The following GABRG1 variants were observed in gnomAD, a reference collection of about 807,000 sequenced individuals.
GABRG1 encodes gamma-aminobutyric acid receptor subunit gamma-1.
In GABRG1, 49 loss-of-function variants were observed where a neutral mutation model predicts 49.8. The observed-to-expected ratio is 0.98, with a 90% confidence interval of 0.78 to 1.25. The LOEUF is 1.25. Ranked by LOEUF, GABRG1 falls within the 50% of genes most tolerant of loss-of-function variation. The pLI is 0.00. For missense variants in GABRG1, 552 were observed against 552.3 expected (o/e 1.00, Z 0.01); for synonymous variants, 232 against 185.1 (o/e 1.25, Z -2.06).
In GABRG1 at chr4:46,038,378, T is replaced by C. The variant is rs932693552; in HGVS notation, c.*2610A>G. 1.3e-5 allele frequency: 2 copies of C among 151,656 alleles called. No homozygotes were observed. The highest frequency in any genetic ancestry group is 1.9e-4 in the East Asian group (1 of 5,182). The allele number at this position is 151,656 out of a possible 1,614,324, so 9.4% of individuals were successfully genotyped here. A position where few individuals can be genotyped will look rare whatever the true frequency, so the allele number is the denominator to read the frequency against. On this transcript the variant is annotated 3_prime_UTR_variant, in exon 9 of 9. Transcript: ENST00000295452. ...CACATATTTAGAGGATAGGTCTATA[T>C]AAACAAACATTTTTACAAATGATCT...
intron 3 of GABRG1, among the ~76,000 whole-genome samples, chr4:46,076,361 TCA>T (rs1491477551): frequency 0.12 from 9,163 of 77,896 alleles, 1,175 homozygotes; most frequent in Admixed American, 0.18. Context: ...TAGGTCATGT[TCA>T]TATATATATA....
intron 1 of GABRG1, among the ~76,000 whole-genome samples, chr4:46,122,453 C>T (rs1015870409): frequency 6.6e-6 from 1 of 151,764 alleles, no homozygotes; most frequent in African/African-American, 2.4e-5. Flanking sequence ...GCCATTACGA[C>T]ACAATATATA....
chr4:46,042,174 C>A (rs1273655538), intron 8 of GABRG1, among the ~76,000 whole-genome samples: 5 of 151,864 alleles, frequency 3.3e-5, no homozygotes, highest in Non-Finnish European at 7.4e-5. Flanking sequence ...CAAGTAATCA[C>A]CTGCCAGTAG....
intron 3 of GABRG1, among the ~76,000 whole-genome samples, chr4:46,081,020 A>G (rs1336939231): frequency 6.6e-6 from 1 of 151,882 alleles, no homozygotes. Context: ...GTTTGAGTAG[A>G]ACTAATACTA....
At chr4:46,102,251 A>C (rs1406414062) in intron 1 of GABRG1, among the ~76,000 whole-genome samples, 1 of 151,672 alleles carries the variant, frequency 6.6e-6, no homozygotes, top group Non-Finnish European at 1.5e-5. Context: ...GCCAGTACTA[A>C]GGATGAGCCC....
intron 1 of GABRG1, among the ~76,000 whole-genome samples, chr4:46,099,860 G>C (rs1267491315): frequency 6.6e-6 from 1 of 151,598 alleles, no homozygotes; most frequent in Admixed American, 6.6e-5. Flanking sequence ...GTGAGAAGTG[G>C]ATTAACTTGA....
intron 1 of GABRG1, among the ~76,000 whole-genome samples, chr4:46,111,848 G>GGTTTAA: frequency 6.6e-6 from 1 of 151,216 alleles, no homozygotes; most frequent in Admixed American, 6.6e-5. Context: ...ACTCATGATA[G>GGTTTAA]ATTAAAGGTT....
intron 8 of GABRG1, among the ~76,000 whole-genome samples, chr4:46,050,257 G>T (rs1264940694): frequency 6.6e-6 from 1 of 151,874 alleles, no homozygotes; most frequent in Non-Finnish European, 1.5e-5. Flanking sequence ...TATCAAATTT[G>T]TACTGCTAGC....
chr4:46,082,161 A>G (rs1182381353), intron 3 of GABRG1, among the ~76,000 whole-genome samples: 2 of 151,822 alleles, frequency 1.3e-5, no homozygotes, highest in African/African-American at 4.8e-5. Flanking sequence ...TTTTAAAATA[A>G]TGCTGGTTGC....
chr4:46,100,573 T>A (rs2109433319), intron 1 of GABRG1, among the ~76,000 whole-genome samples: 1 of 151,672 alleles, frequency 6.6e-6, no homozygotes, highest in South Asian at 2.1e-4. Context: ...GGCAACAACT[T>A]AAATTTTAGG....
At chr4:46,071,035 A>C (rs142737260) in intron 3 of GABRG1, among the ~76,000 whole-genome samples, 98 of 152,168 alleles carry the variant, frequency 6.4e-4, no homozygotes, top group African/African-American at 2.3e-3. Flanking sequence ...ATTACAATGC[A>C]GCTGAAAAAT....
chr4:46,083,146 C>T (rs1270270385), intron 3 of GABRG1, among the ~76,000 whole-genome samples: 1 of 151,646 alleles, frequency 6.6e-6, no homozygotes, highest in Non-Finnish European at 1.5e-5. Context: ...CATTTCAATA[C>T]CTTGGAGTCA....
At chr4:46,103,015 T>C (rs1295727991) in intron 1 of GABRG1, among the ~76,000 whole-genome samples, 2 of 129,026 alleles carry the variant, frequency 1.6e-5, no homozygotes, top group Non-Finnish European at 3.1e-5. Flanking sequence ...CCCAAAATGA[T>C]TTTTAATAGC....
intron 7 of GABRG1, among the ~76,000 whole-genome samples, chr4:46,053,760 C>CA (rs907570565): frequency 6.6e-6 from 1 of 151,648 alleles, no homozygotes; most frequent in Non-Finnish European, 1.5e-5. Context: ...TTTAATAAGG[C>CA]AAAAAAACTA....
intron 3 of GABRG1, among the ~76,000 whole-genome samples, chr4:46,068,280 A>G (rs535910795): frequency 6.6e-6 from 1 of 152,230 alleles, no homozygotes; most frequent in East Asian, 1.9e-4. Flanking sequence ...CGGCTAGGCA[A>G]ATATTCAACA....
intron 1 of GABRG1, among the ~76,000 whole-genome samples, chr4:46,108,393 C>A (rs974683653): frequency 1.3e-5 from 2 of 151,070 alleles, no homozygotes; most frequent in Non-Finnish European, 3.0e-5. Flanking sequence ...TTGTTCAATT[C>A]ACATTTGCTT....
chr4:46,083,688 C>G (rs1279755058), intron 3 of GABRG1, among the ~76,000 whole-genome samples: 1 of 151,180 alleles, frequency 6.6e-6, no homozygotes, highest in African/African-American at 2.4e-5. Flanking sequence ...CCTCAGACTT[C>G]CTGATTTTTT....
intron 2 of GABRG1, among the ~76,000 whole-genome samples, chr4:46,085,316 A>G (rs1466412272): frequency 6.6e-6 from 1 of 151,554 alleles, no homozygotes; most frequent in Non-Finnish European, 1.5e-5. Context: ...ATAAACATAT[A>G]CATTAGAAAA....
chr4:46,058,507 A>C lies in GABRG1; in HGVS notation c.741T>G (p.Thr247=). 2 of 1,613,134 alleles carry C rather than the reference A, an allele frequency of 1.2e-6. No homozygotes were observed. The highest frequency in any genetic ancestry group is 1.7e-6 in the Non-Finnish European group (2 of 1,179,506). ...TACCAGAGATCGTGTGAGTGATTTCAGTTGAGTTCCGTAACCCTACAAATG... is the reference window on the plus strand; with the variant it reads ...TACCAGAGATCGTGTGAGTGATTTCCGTTGAGTTCCGTAACCCTACAAATG... The part of the protein sequence containing the change: ...QFAFVGLRNS[T]EITHTISGDY... The change falls in exon 6 of 9, where the codon ACT becomes ACG. Residue 247 remains threonine (T), a synonymous_variant. Coordinates refer to ENST00000295452, the MANE Select transcript of GABRG1 (RefSeq NM_173536.4).
Sources: gnomAD v4.1 joint callset for allele counts (sites outside exome capture counted in the v4.1 genomes callset) on GRCh38, gnomAD v4.1.1 for gene constraint, MANE v1.5 for transcripts, NCBI Gene and HGNC (gene_info 2026-07-23, HGNC 2026-07-21) for gene names.